Variants in SDR42E2 observed in about 807,000 individuals in gnomAD.
SDR42E2 encodes short chain dehydrogenase/reductase family 42E, member 2, also known as putative short-chain dehydrogenase/reductase family 42E member 2.
In SDR42E2, 20 loss-of-function variants were observed where a neutral mutation model predicts 10.5. The ratio of observed to expected loss-of-function variants is 1.90; its 90% CI spans 1.34 to 2.77. SDR42E2 has a LOEUF of 2.77. SDR42E2 is among the 30% of genes most tolerant of loss of function. The probability of loss-of-function intolerance (pLI) is 0.00; values close to 1 mark genes in which losing one functional copy is unlikely to be tolerated. For missense variants in SDR42E2, 162 were observed against 104.2 expected (o/e 1.55, Z -2.42); for synonymous variants, 72 against 39.2 (o/e 1.84, Z -3.12).
intron 7 of SDR42E2, among the ~76,000 whole-genome samples, chr16:22,174,939 C>T (rs13338995): frequency 0.023 from 3,484 of 152,186 alleles, 143 homozygotes; most frequent in African/African-American, 0.079. Context: ...CCAGGAGTCC[C>T]GCTGCAGTCA....
At chr16:22,184,354 C>T in intron 11 of SDR42E2, 110 bp downstream of exon 11, 1 of 380,284 alleles carries the variant, frequency 2.6e-6, no homozygotes, top group Middle Eastern at 5.4e-4. Context: ...GTAATCCTAG[C>T]ACTTTGGGAG....
intron 7 of SDR42E2, among the ~76,000 whole-genome samples, chr16:22,173,385 A>G (rs1048701743): frequency 6.6e-5 from 10 of 151,102 alleles, no homozygotes; most frequent in Admixed American, 4.6e-4. Context: ...ACACCTGGCT[A>G]ATTTTTGTAT....
At chr16:22,183,365 T>C (rs1253653652) in intron 10 of SDR42E2, among the ~76,000 whole-genome samples, 1 of 152,196 alleles carries the variant, frequency 6.6e-6, no homozygotes, top group African/African-American at 2.4e-5. Flanking sequence ...ATCTCGATGC[T>C]TCCAGATTTA....
chr16:22,187,761 A>G (rs1161219895), intron 12 of SDR42E2, among the ~76,000 whole-genome samples: 1 of 152,162 alleles, frequency 6.6e-6, no homozygotes, highest in Non-Finnish European at 1.5e-5. Flanking sequence ...CACAGATTGT[A>G]AATAGCAAAG....
intron 4 of SDR42E2, among the ~76,000 whole-genome samples, chr16:22,167,480 C>T (rs139829027): frequency 0.01 from 1,582 of 152,120 alleles, 7 homozygotes; most frequent in South Asian, 0.016. Flanking sequence ...CCACCGCACC[C>T]GGCCCCATTT....
chr16:22,178,351 A>T, intron 8 of SDR42E2, 139 bp downstream of exon 8: 2 of 594,884 alleles, frequency 3.4e-6, no homozygotes, highest in East Asian at 2.9e-5. Flanking sequence ...CAGTTCTACA[A>T]GATGTTCCTG....
chr16:22,189,092 T>G (rs1450427173), intron 12 of SDR42E2, among the ~76,000 whole-genome samples: 2 of 152,142 alleles, frequency 1.3e-5, no homozygotes, highest in African/African-American at 4.8e-5. Flanking sequence ...ACCCTGCTTA[T>G]CTAGCGTAAC....
In SDR42E2 at chr16:22,171,232, TTTTTCTTTTC is replaced by T. The variant is rs769533201; in HGVS notation, c.513+291_513+300del. Among the ~76,000 whole-genome samples the T allele has an allele frequency of 2.0e-5, 3 of 152,230 alleles. No homozygotes were observed. The East Asian group carries it at 5.8e-4, about 29-fold the overall frequency. On this transcript the variant is annotated intron_variant, in intron 6 of 12. Transcript: ENST00000602312. ...CACTTAAGCCCTTTGAGCCTGTTTT[TTTTTCTTTTC>T]TTTTCTTTTGTTTTTTTGAGACAGA...
intron 7 of SDR42E2, among the ~76,000 whole-genome samples, chr16:22,174,997 G>A (rs1384607873): frequency 1.3e-5 from 2 of 152,112 alleles, no homozygotes; most frequent in Non-Finnish European, 2.9e-5. Flanking sequence ...TCCTGAAACT[G>A]TTCTTCTGAC....
At chr16:22,163,601 G>C (rs2046512929) in intron 1 of SDR42E2, among the ~76,000 whole-genome samples, 1 of 152,166 alleles carries the variant, frequency 6.6e-6, no homozygotes, top group Non-Finnish European at 1.5e-5. Context: ...CAGCTACTCG[G>C]GAGGCTGAGG....
intron 12 of SDR42E2, among the ~76,000 whole-genome samples, chr16:22,187,648 G>A (rs1475041999): frequency 2.0e-5 from 3 of 151,402 alleles, no homozygotes; most frequent in South Asian, 4.2e-4. Context: ...CTAAATAGCT[G>A]AGATTACAGG....
intron 7 of SDR42E2, among the ~76,000 whole-genome samples, chr16:22,176,246 A>C (rs2046644083): frequency 6.6e-6 from 1 of 152,122 alleles, no homozygotes. Flanking sequence ...AGCCTCCAAG[A>C]ACATTGGGCC....
chr16:22,182,721 C>T (rs2046705919), intron 10 of SDR42E2, among the ~76,000 whole-genome samples: 2 of 152,184 alleles, frequency 1.3e-5, no homozygotes, highest in Non-Finnish European at 2.9e-5. Context: ...AACTCTTTGC[C>T]CAGTGAGGTG....
chr16:22,166,783 T>C (rs1486134438), intron 3 of SDR42E2, 121 bp from the exon 4 acceptor site: 3 of 457,432 alleles, frequency 6.6e-6, no homozygotes, highest in Non-Finnish European at 1.2e-5. Flanking sequence ...TTCCTGATGC[T>C]ACAGAGGCTT....
intron 12 of SDR42E2, 81 bp from the exon 13 acceptor site, chr16:22,190,056 CTT>C (rs898105252): frequency 2.5e-6 from 1 of 400,204 alleles, no homozygotes; most frequent in African/African-American, 2.1e-5. Flanking sequence ...CCTGCCCTCT[CTT>C]TTCCCTTTCC....
chr16:22,172,477 T>C (rs1489898975), intron 7 of SDR42E2, 146 bp downstream of exon 7: 1 of 654,272 alleles, frequency 1.5e-6, no homozygotes, highest in African/African-American at 1.8e-5. Flanking sequence ...CATTCATCAT[T>C]CAGCACATTC....
At chr16:22,182,907 A>C (rs1435446080) in intron 10 of SDR42E2, among the ~76,000 whole-genome samples, 1 of 152,072 alleles carries the variant, frequency 6.6e-6, no homozygotes, top group Non-Finnish European at 1.5e-5. Flanking sequence ...TGGGCAGCTG[A>C]GGCGGGAGGA....
intron 2 of SDR42E2, among the ~76,000 whole-genome samples, chr16:22,165,904 AGGTCCGTACCTGGGCCAGGAGCTG>A (rs1334385411): frequency 0.027 from 2,310 of 84,380 alleles, 33 homozygotes; most frequent in Middle Eastern, 0.074. Context: ...TCTAGGAGCT[AGGTCCGTACCTGGGCCAGGAGCTG>A]GGTCCGTACC....
intron 8 of SDR42E2, among the ~76,000 whole-genome samples, chr16:22,179,754 A>G (rs1191800861): frequency 6.7e-6 from 1 of 148,896 alleles, no homozygotes; most frequent in African/African-American, 2.5e-5. Context: ...GGGAGGTTGC[A>G]GTGAGCCGAG....
Sources: gnomAD v4.1 joint callset for allele counts (sites outside exome capture counted in the v4.1 genomes callset) on GRCh38, gnomAD v4.1.1 for gene constraint, MANE v1.5 for transcripts, NCBI Gene and HGNC (gene_info 2026-07-23, HGNC 2026-07-21) for gene names.